Variants in CADM2 observed in about 807,000 individuals in gnomAD.
The protein encoded by CADM2 is immunoglobulin superfamily member 4D.
Under a neutral mutation model 49.8 loss-of-function variants are expected in CADM2, and 12 were observed. That is an observed-to-expected ratio of 0.24 (90% CI 0.15 to 0.39). CADM2 has a LOEUF of 0.39. Among genes scored for constraint, CADM2 ranks in the 10% least tolerant of loss-of-function variants. CADM2 has a pLI of 1.00. For missense variants in CADM2, 378 were observed against 492.3 expected (o/e 0.77, Z 2.20); for synonymous variants, 214 against 175.4 (o/e 1.22, Z -1.74).
At chr3:85,442,501 G>T (rs1378567443) in intron 1 of CADM2, among the ~76,000 whole-genome samples, 4 of 150,402 alleles carry the variant, frequency 2.7e-5, no homozygotes, top group Non-Finnish European at 5.9e-5. Context: ...TCAAAGCAAA[G>T]TGAGAGAGGG....
chr3:86,035,730 C>T (rs1735076169), intron 8 of CADM2, among the ~76,000 whole-genome samples: 1 of 152,034 alleles, frequency 6.6e-6, no homozygotes, highest in Non-Finnish European at 1.5e-5. Flanking sequence ...TTCTTCCATT[C>T]CCAAATGTCT....
intron 1 of CADM2, among the ~76,000 whole-genome samples, chr3:85,162,326 A>G (rs1439361303): frequency 6.6e-6 from 1 of 152,166 alleles, no homozygotes; most frequent in African/African-American, 2.4e-5. Flanking sequence ...AATACTAATT[A>G]CCGGGATTTA....
intron 1 of CADM2, among the ~76,000 whole-genome samples, chr3:85,713,283 T>C (rs76816747): frequency 0.036 from 5,529 of 152,162 alleles, 142 homozygotes; most frequent in Non-Finnish European, 0.059. Context: ...TATTTTTTAG[T>C]AGAGATGGCC....
chr3:85,526,694 A>G (rs59967234), intron 1 of CADM2, among the ~76,000 whole-genome samples: 78,321 of 152,048 alleles, frequency 0.52, 23,148 homozygotes, highest in East Asian at 0.85. Flanking sequence ...GGCTCACACT[A>G]GATCCCTAAA....
At chr3:85,504,272 CGG>C (rs1357821784) in intron 1 of CADM2, among the ~76,000 whole-genome samples, 1 of 151,154 alleles carries the variant, frequency 6.6e-6, no homozygotes, top group Non-Finnish European at 1.5e-5. Flanking sequence ...TCCTTCCTCC[CGG>C]TGGGCTCGTG....
At chr3:85,805,240 G>A (rs775446775) in intron 3 of CADM2, among the ~76,000 whole-genome samples, 6 of 152,084 alleles carry the variant, frequency 3.9e-5, no homozygotes, top group Non-Finnish European at 5.9e-5. Flanking sequence ...CACCGTGCCG[G>A]GCCAGGACTG....
intron 8 of CADM2, among the ~76,000 whole-genome samples, chr3:86,005,119 C>T (rs1730624468): frequency 6.6e-6 from 1 of 152,174 alleles, no homozygotes; most frequent in African/African-American, 2.4e-5. Flanking sequence ...ATATAAGACT[C>T]TGGAGGCAGT....
intron 1 of CADM2, among the ~76,000 whole-genome samples, chr3:85,146,041 A>G (rs772748414): frequency 6.6e-6 from 1 of 152,174 alleles, no homozygotes; most frequent in Non-Finnish European, 1.5e-5. Flanking sequence ...TATGACTTTA[A>G]GGAATATTTT....
chr3:85,236,558 T>C (rs141672744), intron 1 of CADM2, among the ~76,000 whole-genome samples: 112 of 152,254 alleles, frequency 7.4e-4, no homozygotes, highest in African/African-American at 2.6e-3. Flanking sequence ...CATTTAAGAA[T>C]ACTTATTAAC....
chr3:85,436,408 C>T (rs1027668146), intron 1 of CADM2, among the ~76,000 whole-genome samples: 27 of 152,122 alleles, frequency 1.8e-4, no homozygotes, highest in African/African-American at 6.3e-4. Flanking sequence ...TTTTAATATG[C>T]TTTATTTCTT....
At chr3:85,010,492 A>G (rs559645227) in intron 1 of CADM2, among the ~76,000 whole-genome samples, 14 of 152,224 alleles carry the variant, frequency 9.2e-5, no homozygotes, top group Non-Finnish European at 1.8e-4. Flanking sequence ...ATAATATTCC[A>G]TAATTCTATT....
At chr3:85,213,282 G>T in intron 1 of CADM2, among the ~76,000 whole-genome samples, 1 of 151,980 alleles carries the variant, frequency 6.6e-6, no homozygotes. Flanking sequence ...GCTTTTGCTT[G>T]TCTGGTAAGC....
At chr3:84,999,743 G>C (rs1220250055) in intron 1 of CADM2, among the ~76,000 whole-genome samples, 3 of 152,092 alleles carry the variant, frequency 2.0e-5, no homozygotes, top group Admixed American at 6.6e-5. Flanking sequence ...GCAAGTATTG[G>C]CTTTAGGGTT....
At chr3:85,243,948 T>A (rs899613069) in intron 1 of CADM2, among the ~76,000 whole-genome samples, 10 of 152,062 alleles carry the variant, frequency 6.6e-5, no homozygotes, top group Admixed American at 2.6e-4. Context: ...ATTAAATGTA[T>A]GATTTAAATC....
chr3:85,071,893 G>C (rs1461624917), intron 1 of CADM2, among the ~76,000 whole-genome samples: 3 of 151,394 alleles, frequency 2.0e-5, no homozygotes, highest in African/African-American at 7.3e-5. Flanking sequence ...CTACCAACAA[G>C]GTCATTCTGG....
intron 1 of CADM2, among the ~76,000 whole-genome samples, chr3:85,543,550 C>T (rs1240252940): frequency 6.6e-6 from 1 of 152,036 alleles, no homozygotes; most frequent in Non-Finnish European, 1.5e-5. Context: ...TCCCAAAGTG[C>T]TGTGATTACA....
intron 1 of CADM2, among the ~76,000 whole-genome samples, chr3:85,432,879 T>C (rs2036747881): frequency 6.6e-6 from 1 of 152,186 alleles, no homozygotes; most frequent in South Asian, 2.1e-4. Context: ...TCCAAAGTCA[T>C]AGTCATCTCA....
chr3:85,602,840 GCT>G (rs1219058937), intron 1 of CADM2, among the ~76,000 whole-genome samples: 1 of 151,760 alleles, frequency 6.6e-6, no homozygotes, highest in Non-Finnish European at 1.5e-5. Flanking sequence ...CCTTGACAGT[GCT>G]CTCTCTTACA....
intron 1 of CADM2, among the ~76,000 whole-genome samples, chr3:85,550,056 T>C (rs1474762700): frequency 6.6e-6 from 1 of 152,128 alleles, no homozygotes; most frequent in Non-Finnish European, 1.5e-5. Flanking sequence ...CCAACACTCT[T>C]AGGAGGCAAA....
Sources: gnomAD v4.1 joint callset for allele counts (sites outside exome capture counted in the v4.1 genomes callset) on GRCh38, gnomAD v4.1.1 for gene constraint, MANE v1.5 for transcripts, NCBI Gene and HGNC (gene_info 2026-07-23, HGNC 2026-07-21) for gene names.